The following SLCO1B1 variants were observed in gnomAD, a reference collection of about 807,000 sequenced individuals.
The protein encoded by SLCO1B1 is solute carrier organic anion transporter family member 1B1, also known as OATP-2.
SLCO1B1 carries 81 observed loss-of-function variants against 70.1 expected under a neutral mutation model. The ratio of observed to expected loss-of-function variants is 1.16; its 90% CI spans 0.97 to 1.39. The LOEUF is 1.39. Among genes scored for constraint, SLCO1B1 ranks in the 40% most tolerant of loss-of-function variants. The pLI is 0.00. For synonymous variants in SLCO1B1, 283 were observed against 271.5 expected (o/e 1.04, Z -0.42); for missense variants, 895 against 799.6 (o/e 1.12, Z -1.44).
At chr12:21,181,315 T>A (rs187463727) in intron 7 of SLCO1B1, among the ~76,000 whole-genome samples, 3 of 152,296 alleles carry the variant, frequency 2.0e-5, no homozygotes, top group Admixed American at 2.0e-4. Context: ...TTAGTTACTA[T>A]GTGTAGAACA....
At chr12:21,175,717 T>C (rs566873886) in intron 4 of SLCO1B1, among the ~76,000 whole-genome samples, 1 of 152,276 alleles carries the variant, frequency 6.6e-6, no homozygotes, top group South Asian at 2.1e-4. Flanking sequence ...TTTTCTATCT[T>C]TGTGTCTTCT....
intron 7 of SLCO1B1, among the ~76,000 whole-genome samples, chr12:21,179,570 C>T (rs1481140124): frequency 6.6e-6 from 1 of 152,162 alleles, no homozygotes; most frequent in Admixed American, 6.5e-5. Context: ...TTTTCTTCTT[C>T]ATTCTCAGAG....
At chr12:21,198,908 A>C (rs1235134274) in intron 8 of SLCO1B1, among the ~76,000 whole-genome samples, 1 of 152,020 alleles carries the variant, frequency 6.6e-6, no homozygotes, top group Non-Finnish European at 1.5e-5. Flanking sequence ...CAAAAATGCA[A>C]CGCTTGTGTG....
intron 14 of SLCO1B1, 118 bp downstream of exon 14, chr12:21,224,957 C>A: frequency 1.7e-6 from 1 of 597,550 alleles, no homozygotes. Flanking sequence ...TGAAAACTGA[C>A]TTTGCATGCA....
chr12:21,189,302 G>A (rs1042512182), intron 7 of SLCO1B1, among the ~76,000 whole-genome samples: 1 of 152,134 alleles, frequency 6.6e-6, no homozygotes, highest in Non-Finnish European at 1.5e-5. Context: ...TTCTACAGGT[G>A]TAAGGTGTAG....
intron 11 of SLCO1B1, among the ~76,000 whole-genome samples, chr12:21,216,772 G>C (rs1941362540): frequency 6.6e-6 from 1 of 152,232 alleles, no homozygotes. Flanking sequence ...GTCCAAAAGA[G>C]TATGTGCTCT....
intron 7 of SLCO1B1, among the ~76,000 whole-genome samples, chr12:21,189,478 C>T (rs990485935): frequency 1.3e-5 from 2 of 151,506 alleles, no homozygotes; most frequent in African/African-American, 2.4e-5. Flanking sequence ...GAGTCACTCT[C>T]ACTCTGTCAC....
At chr12:21,206,120 G>A in intron 11 of SLCO1B1, 87 bp downstream of exon 11, 3 of 1,096,396 alleles carry the variant, frequency 2.7e-6, no homozygotes, top group African/African-American at 1.6e-5. Context: ...TGTAACTAAG[G>A]ACTCCATTAA....
intron 11 of SLCO1B1, among the ~76,000 whole-genome samples, chr12:21,211,943 C>T (rs933822982): frequency 6.7e-6 from 1 of 149,688 alleles, no homozygotes; most frequent in East Asian, 2.0e-4. Context: ...CTATTAGATT[C>T]TTCTCTCTTT....
At chr12:21,204,478 TATAAGAGTGTGAAGGACTTCTGAGAACCA>T in intron 10 of SLCO1B1, among the ~76,000 whole-genome samples, 1 of 149,816 alleles carries the variant, frequency 6.7e-6, no homozygotes, top group Non-Finnish European at 1.5e-5. Context: ...CTCAATCTTT[TATAAGAGTGTGAAGGACTTCTGAGAACCA>T]ATTTTTTTTC....
intron 2 of SLCO1B1, among the ~76,000 whole-genome samples, chr12:21,161,354 T>C (rs1046902310): frequency 5.3e-5 from 8 of 152,208 alleles, no homozygotes; most frequent in African/African-American, 1.9e-4. Context: ...ATCATGTCTT[T>C]TGTGGAAACA....
intron 1 of SLCO1B1, among the ~76,000 whole-genome samples, chr12:21,132,105 C>T (rs1255604290): frequency 2.6e-5 from 4 of 151,882 alleles, no homozygotes; most frequent in East Asian, 1.9e-4. Context: ...TTTGTCCTTG[C>T]GATAGTTTGT....
chr12:21,216,580 T>C (rs367779302), intron 11 of SLCO1B1, among the ~76,000 whole-genome samples: 23 of 152,150 alleles, frequency 1.5e-4, no homozygotes, highest in African/African-American at 5.3e-4. Context: ...CATTGTATCC[T>C]TGGATTTTGT....
chr12:21,189,692 T>C (rs957449955), intron 7 of SLCO1B1, among the ~76,000 whole-genome samples: 10 of 152,062 alleles, frequency 6.6e-5, no homozygotes, highest in Admixed American at 2.6e-4. Flanking sequence ...GGTGATCCAA[T>C]TTGTCTTGGC....
chr12:21,132,164 A>G (rs1024947450), intron 1 of SLCO1B1, among the ~76,000 whole-genome samples: 2 of 151,880 alleles, frequency 1.3e-5, no homozygotes, highest in African/African-American at 2.4e-5. Flanking sequence ...AAGGACATAA[A>G]CTCATCATTT....
intron 11 of SLCO1B1, among the ~76,000 whole-genome samples, chr12:21,212,888 C>T (rs1941305328): frequency 6.6e-6 from 1 of 151,980 alleles, no homozygotes; most frequent in South Asian, 2.1e-4. Flanking sequence ...GATTGCAACC[C>T]CTAACTTTTT....
chr12:21,187,435 G>C (rs1273871023), intron 7 of SLCO1B1, among the ~76,000 whole-genome samples: 1 of 151,982 alleles, frequency 6.6e-6, no homozygotes, highest in Non-Finnish European at 1.5e-5. Flanking sequence ...CGATGCCCCT[G>C]GTCACCTAGA....
intron 2 of SLCO1B1, among the ~76,000 whole-genome samples, chr12:21,155,072 A>C (rs1194949384): frequency 6.7e-6 from 1 of 148,864 alleles, no homozygotes; most frequent in East Asian, 2.0e-4. Flanking sequence ...TCTTGTGTTG[A>C]GCATTCAATG....
At chr12:21,238,762 C>T (rs1021688617) in intron 14 of SLCO1B1, among the ~76,000 whole-genome samples, 2 of 151,882 alleles carry the variant, frequency 1.3e-5, no homozygotes, top group Non-Finnish European at 2.9e-5. Flanking sequence ...ATGAAGAAGG[C>T]CAGAGGCAAC....
Sources: allele counts gnomAD v4.1 joint callset (sites outside exome capture counted in the v4.1 genomes callset), GRCh38; gene constraint gnomAD v4.1.1; transcripts MANE v1.5; gene names NCBI Gene and HGNC (gene_info 2026-07-23, HGNC 2026-07-21).